The following STK11 variants were observed in gnomAD, a reference collection of about 807,000 sequenced individuals.
STK11 encodes the protein serine/threonine-protein kinase STK11.
STK11 carries 8 observed loss-of-function variants against 47.3 expected under a neutral mutation model. That is an observed-to-expected ratio of 0.17 (90% CI 0.10 to 0.31). The LOEUF is 0.31. STK11 is among the 10% of genes least tolerant of loss of function. The pLI is 1.00. For missense variants in STK11, 475 were observed against 605.0 expected, an observed-to-expected ratio of 0.79 and a Z score of 2.25; for synonymous variants, 330 against 255.8, an observed-to-expected ratio of 1.29 and a Z score of -2.77.
intron 8 of STK11, chr19:1,224,595 C>T: frequency 6.1e-6 from 6 of 985,634 alleles, no homozygotes; most frequent in Non-Finnish European, 7.2e-6. Context: ...ACCCCCACGG[C>T]CGCCCCTGCA....
In STK11 at chr19:1,218,414, C is replaced by A; in HGVS notation, c.291-3C>A. ...TGATACACCCCTGTCCTCTCTGTCCCAGGGAAATTCAACTACTGAGGAGGT... is the reference window on the plus strand; with the variant it reads ...TGATACACCCCTGTCCTCTCTGTCCAAGGGAAATTCAACTACTGAGGAGGT... On this transcript the variant is annotated splice_region_variant and splice_polypyrimidine_tract_variant and intron_variant, in intron 1 of 9. Transcript: ENST00000326873. The A allele has an allele frequency of 6.2e-7, 1 of 1,613,334 alleles. No individual in the cohort carries two copies. Among genetic ancestry groups the A allele is most frequent in the Non-Finnish European group, 8.5e-7 (1 of 1,179,516 alleles).
chr19:1,221,550 C>A (rs1435448605), intron 6 of STK11: 1 of 756,454 alleles, frequency 1.3e-6, no homozygotes, highest in African/African-American at 1.8e-5. Flanking sequence ...ACCCTCCGAA[C>A]TCCCACCCCA....
intron 1 of STK11, among the ~76,000 whole-genome samples, chr19:1,217,697 G>A (rs949111444): frequency 2.0e-5 from 3 of 152,092 alleles, no homozygotes; most frequent in African/African-American, 4.8e-5. Context: ...GCTCACCTGC[G>A]GCCCACCCTC....
intron 8 of STK11, chr19:1,223,628 T>C: frequency 9.4e-7 from 1 of 1,067,844 alleles, no homozygotes; most frequent in Admixed American, 4.8e-5. Context: ...CGGCCGCCCT[T>C]CTTCCCTAGG....
At chr19:1,225,890 C>T (rs1471516797) in intron 8 of STK11, 4 of 989,454 alleles carry the variant, frequency 4.0e-6, no homozygotes, top group Admixed American at 6.1e-5. Flanking sequence ...CAGCCCCAGG[C>T]CTGTGGGTTT....
At chr19:1,226,871 T>A in intron 9 of STK11, 1 of 602,552 alleles carries the variant, frequency 1.7e-6, no homozygotes, top group Non-Finnish European at 2.7e-6. Context: ...GTGCTGGTCA[T>A]GGAGGCCTAC....
In STK11 at chr19:1,218,443, G is replaced by C. The variant is rs375622587; in HGVS notation, c.317G>C (p.Arg106Pro). The C allele has an allele frequency of 6.2e-7, 1 of 1,613,684 alleles. No homozygotes were observed. The highest frequency in any genetic ancestry group is 8.5e-7 in the Non-Finnish European group (1 of 1,179,818). The change falls in exon 2 of 10, where the codon CGG becomes CCG. Residue 106 changes from arginine to proline, a missense_variant. By Grantham distance (103) the Arg-to-Pro change is moderately radical. Coordinates refer to ENST00000326873, the MANE Select transcript of STK11 (RefSeq NM_000455.5). The part of the protein sequence containing the change: ...KKEIQLLRRL[R>P]HKNVIQLVDV... ...GAAATTCAACTACTGAGGAGGTTAC[G>C]GCACAAAAATGTCATCCAGCTGGTG...
At chr19:1,219,453 G>GGGGGCC in intron 3 of STK11, 40 bp downstream of exon 3, 11 of 1,533,284 alleles carry the variant, frequency 7.2e-6, no homozygotes, top group Non-Finnish European at 9.7e-6. Context: ...GGCGGGGGCC[G>GGGGGCC]GGGGCCAGGC....
chr19:1,224,900 G>A lies in STK11; in HGVS notation c.1109-1554G>A, dbSNP rs146538919. On this transcript the variant is annotated intron_variant, in intron 8 of 9. Coordinates refer to ENST00000326873, the MANE Select transcript of STK11 (RefSeq NM_000455.5). ...GACAGGCTCAACTTCAGGCTTCAGCGTGAGCCCCGTCCCTGACCTGCAGAG... is the reference window on the plus strand; with the variant it reads ...GACAGGCTCAACTTCAGGCTTCAGCATGAGCCCCGTCCCTGACCTGCAGAG... The A allele has an allele frequency of 2.0e-4, 201 of 985,714 alleles. 3 individuals are homozygous for A. The East Asian group carries it at 0.016, about 77-fold the overall frequency. The allele number at this position is 985,714 out of a possible 1,614,324, so 61.1% of individuals were successfully genotyped here. A position where few individuals can be genotyped will look rare whatever the true frequency, so the allele number is the denominator to read the frequency against.
intron 1 of STK11, among the ~76,000 whole-genome samples, chr19:1,214,834 G>A (rs2080734648): frequency 6.6e-6 from 1 of 152,202 alleles, no homozygotes. Context: ...AGTGTCCTGG[G>A]CCACCTTCCC....
chr19:1,221,556 C>T (rs1040678444), intron 6 of STK11: 12 of 723,554 alleles, frequency 1.7e-5, no homozygotes, highest in East Asian at 2.8e-5. Flanking sequence ...CGAACTCCCA[C>T]CCCAGAGGGC....
At chr19:1,220,754 A>G (rs758042861) in intron 5 of STK11, 37 bp downstream of exon 5, 26 of 1,584,808 alleles carry the variant, frequency 1.6e-5, no homozygotes, top group Non-Finnish European at 2.0e-5. Flanking sequence ...CACCACACGC[A>G]CACTCCGAGG....
chr19:1,209,530 C>T (rs551994527), intron 1 of STK11, among the ~76,000 whole-genome samples: 2 of 151,972 alleles, frequency 1.3e-5, no homozygotes, highest in Non-Finnish European at 2.9e-5. Flanking sequence ...TGCGGTGACC[C>T]GAGATCGCAC....
Position 1,227,793 on chromosome 19 carries a change from G to C in STK11, c.*217G>C, listed in dbSNP as rs1482632009. The stretch of plus-strand genomic sequence containing the variant: ...CCCTCGGCCGCCCGGCAGTGCACGC[G>C]GCTTGTTGACTTCGCAGCCCCGGGC... On this transcript the variant is annotated 3_prime_UTR_variant, in exon 10 of 10. Coordinates refer to ENST00000326873, the MANE Select transcript of STK11 (RefSeq NM_000455.5). 9.3e-7 allele frequency: 1 copy of C among 1,074,590 alleles called. No individual in the cohort carries two copies. The highest frequency in any genetic ancestry group is 1.6e-5 in the African/African-American group (1 of 61,098). The allele number at this position is 1,074,590 out of a possible 1,614,324, so 66.6% of individuals were successfully genotyped here. A position where few individuals can be genotyped will look rare whatever the true frequency, so the allele number is the denominator to read the frequency against.
At chr19:1,215,101 C>T (rs2080736522) in intron 1 of STK11, among the ~76,000 whole-genome samples, 1 of 152,208 alleles carries the variant, frequency 6.6e-6, no homozygotes, top group Non-Finnish European at 1.5e-5. Flanking sequence ...TGAGCCGGGC[C>T]TCTCGGGCCC....
Position 1,223,005 on chromosome 19 carries a change from C to G in STK11, c.941C>G (p.Pro314Arg). 6.4e-7 allele frequency: 1 copy of G among 1,567,566 alleles called. No homozygotes were observed. Among genetic ancestry groups the G allele is most frequent in the Non-Finnish European group, 8.7e-7 (1 of 1,155,450 alleles). ...RQHSWFRKKH[P>R]PAEAPVPIPP... ...TGCAGCTGGTTCCGGAAGAAACATC[C>G]TCCGGCTGAAGCACCAGTGCCCATC... Residue 314 changes from proline (P) to arginine (R), a missense_variant, in exon 8 of 10, where the codon CCT becomes CGT. Pro to Arg is a moderately radical substitution (Grantham distance 103). Transcript: ENST00000326873.
chr19:1,213,489 G>T (rs1342335950), intron 1 of STK11, among the ~76,000 whole-genome samples: 1 of 152,196 alleles, frequency 6.6e-6, no homozygotes, highest in African/African-American at 2.4e-5. Context: ...GGATTGGCCT[G>T]TCCTGAACAT....
At chr19:1,222,140 C>A (rs533014251) in intron 7 of STK11, 134 bp downstream of exon 7, 11 of 1,097,940 alleles carry the variant, frequency 1.0e-5, no homozygotes, top group Non-Finnish European at 1.5e-5. Context: ...GTGCAGCGCC[C>A]GCAGTTCTCG....
chr19:1,220,340 C>T (rs979904556), intron 3 of STK11, 33 bp from the exon 4 acceptor site: 3 of 1,584,236 alleles, frequency 1.9e-6, no homozygotes, highest in Non-Finnish European at 2.6e-6. Flanking sequence ...GCAGGGAGGC[C>T]TCGGCCCCAG....
Sources: allele counts gnomAD v4.1 joint callset (sites outside exome capture counted in the v4.1 genomes callset), GRCh38; gene constraint gnomAD v4.1.1; transcripts MANE v1.5; gene names NCBI Gene and HGNC (gene_info 2026-07-23, HGNC 2026-07-21).